The following OTOG variants were observed in gnomAD, a reference collection of about 807,000 sequenced individuals.
OTOG encodes otogelin.
A neutral mutation model predicts 313.8 loss-of-function variants in OTOG; 296 were observed. That is an observed-to-expected ratio of 0.94 (90% CI 0.86 to 1.04). The LOEUF (loss-of-function observed/expected upper bound fraction) is 1.04. Among genes scored for constraint, OTOG ranks in the 50% least tolerant of loss-of-function variants. The pLI is 0.00. For synonymous variants in OTOG, 1,533 were observed against 1,554.9 expected (o/e 0.99, Z 0.33); for missense variants, 3,948 against 3,840.1 (o/e 1.03, Z -0.74).
chr11:17,564,942 G>GT (rs1852267981), intron 15 of OTOG, among the ~76,000 whole-genome samples: 2 of 152,074 alleles, frequency 1.3e-5, no homozygotes, highest in African/African-American at 2.4e-5. Flanking sequence ...CCCTCAAAGT[G>GT]TTTTTTTAAA....
At chr11:17,603,558 C>T (rs558377050) in intron 32 of OTOG, among the ~76,000 whole-genome samples, 4 of 152,138 alleles carry the variant, frequency 2.6e-5, no homozygotes, top group Admixed American at 6.5e-5. Context: ...GGCTCCGTCT[C>T]AGAGTCAGGC....
At chr11:17,598,861 C>T (rs1378708877) in intron 30 of OTOG, among the ~76,000 whole-genome samples, 1 of 152,256 alleles carries the variant, frequency 6.6e-6, no homozygotes, top group East Asian at 1.9e-4. Context: ...GCGGGCCTGT[C>T]TCCTGACTCC....
chr11:17,562,774 A>G (rs1475238096), intron 15 of OTOG, among the ~76,000 whole-genome samples: 5 of 152,190 alleles, frequency 3.3e-5, no homozygotes, highest in Non-Finnish European at 7.3e-5. Context: ...TGCACCTTCA[A>G]CATTCGTCCC....
At chr11:17,577,259 A>G (rs1852550785) in intron 22 of OTOG, among the ~76,000 whole-genome samples, 1 of 152,198 alleles carries the variant, frequency 6.6e-6, no homozygotes, top group Admixed American at 6.5e-5. Context: ...TCATGTATCT[A>G]CTGAGGCGGA....
At chr11:17,581,277 G>A (rs1852659652) in intron 23 of OTOG, among the ~76,000 whole-genome samples, 1 of 152,152 alleles carries the variant, frequency 6.6e-6, no homozygotes, top group Non-Finnish European at 1.5e-5. Context: ...TCCTGCTGGG[G>A]TCACACCACT....
In OTOG at chr11:17,631,701, G is replaced by A; in HGVS notation, c.6713-1G>A. 1 of 1,549,314 alleles carries A rather than the reference G, an allele frequency of 6.5e-7. No individual in the cohort carries two copies. Among genetic ancestry groups the A allele is most frequent in the Non-Finnish European group, 8.7e-7 (1 of 1,145,930 alleles). ...TGTTGGGATTGTTTGGCCCCTTTCA[G>A]GTATCTGTGATGGAGATGCAGCCAA... On this transcript the variant is annotated splice_acceptor_variant, in intron 40 of 55. Coordinates refer to ENST00000399397, the MANE Select transcript of OTOG (RefSeq NM_001292063.2). LOFTEE classifies it high-confidence loss of function.
In OTOG at chr11:17,555,839, T is replaced by A; in HGVS notation, c.601T>A (p.Phe201Ile). 2 of 1,546,750 alleles carry A rather than the reference T, an allele frequency of 1.3e-6. No homozygotes were observed. The highest frequency in any genetic ancestry group is 2.4e-5 in the South Asian group (2 of 84,058). Residue 201 changes from phenylalanine to isoleucine, a missense_variant, in exon 7 of 56, where the codon TTC (phenylalanine) becomes ATC (isoleucine). Phe to Ile is a conservative substitution (Grantham distance 21). Coordinates refer to ENST00000399397, the MANE Select transcript of OTOG (RefSeq NM_001292063.2). ...CACCTGCTCCAGGGCTGTCAGCCTCTTCTTTGTGGGTGAGCAGGAGATCCA... is the reference window on the plus strand; with the variant it reads ...CACCTGCTCCAGGGCTGTCAGCCTCATCTTTGTGGGTGAGCAGGAGATCCA... ...PYTCSRAVSL[F>I]FVGEQEIHLA...
intron 39 of OTOG, among the ~76,000 whole-genome samples, chr11:17,620,812 T>C (rs1401954070): frequency 6.6e-6 from 1 of 152,216 alleles, no homozygotes; most frequent in Non-Finnish European, 1.5e-5. Flanking sequence ...GGGTCTTTTT[T>C]AATTCTGTGC....
intron 7 of OTOG, 28 bp downstream of exon 7, chr11:17,555,925 T>C (rs1239758745): frequency 6.6e-7 from 1 of 1,506,638 alleles, no homozygotes; most frequent in Non-Finnish European, 9.0e-7. Flanking sequence ...CACATCGAGC[T>C]GTCCTATCCC....
Position 17,641,022 on chromosome 11 carries a change from G to A in OTOG, c.8121G>A (p.Val2707=). 1 of 1,545,722 alleles carries A rather than the reference G, an allele frequency of 6.5e-7. No individual in the cohort carries two copies. The highest frequency in any genetic ancestry group is 1.7e-4 in the Middle Eastern group (1 of 5,986). Residue 2707 remains valine (V), a synonymous_variant, in exon 51 of 56, where the codon GTG becomes GTA. Coordinates refer to ENST00000399397, the MANE Select transcript of OTOG (RefSeq NM_001292063.2). ...GVCHTSRCTT[V]LDPLTNFYQI... The stretch of plus-strand genomic sequence containing the variant: ...GCCACACCTCCCGCTGCACCACCGT[G>A]CTCGACCCTCTCACCAACTTCTACC...
At chr11:17,554,002 G>A (rs937157779) in intron 6 of OTOG, among the ~76,000 whole-genome samples, 4 of 152,232 alleles carry the variant, frequency 2.6e-5, no homozygotes, top group Non-Finnish European at 2.9e-5. Flanking sequence ...CCTGGAGAAA[G>A]TCACATTTAA....
chr11:17,597,899 G>T (rs559436176), intron 30 of OTOG, among the ~76,000 whole-genome samples: 2 of 152,346 alleles, frequency 1.3e-5, no homozygotes, highest in South Asian at 4.1e-4. Context: ...CTCTTCGTCT[G>T]TAATAGAAGG....
intron 39 of OTOG, among the ~76,000 whole-genome samples, chr11:17,621,691 C>T (rs1013404770): frequency 6.6e-6 from 1 of 152,160 alleles, no homozygotes; most frequent in African/African-American, 2.4e-5. Flanking sequence ...AGGAAACCAC[C>T]AGGCTCTACC....
At chr11:17,609,061 A>G (rs146505785) in intron 34 of OTOG, 69 bp from the exon 35 acceptor site, 1 of 1,266,644 alleles carries the variant, frequency 7.9e-7, no homozygotes, top group African/African-American at 1.5e-5. Flanking sequence ...GCCTGTGCTC[A>G]ATCGAGAGAA....
chr11:17,554,118 G>C (rs963558266), intron 6 of OTOG, among the ~76,000 whole-genome samples: 1 of 152,176 alleles, frequency 6.6e-6, no homozygotes, highest in Non-Finnish European at 1.5e-5. Flanking sequence ...CTAAGAAAGA[G>C]ACTAGGGCCT....
rs1853575522 is a variant in OTOG, at chr11:17,612,246, G to C, written c.6208G>C (p.Gly2070Arg). The C allele has an allele frequency of 5.2e-6, 8 of 1,547,844 alleles. No individual in the cohort carries two copies. The South Asian group carries it at 9.5e-5, about 18-fold the overall frequency. ...GAATCAGTCCCAGCACTGTCCCCAG[G>C]GTGCTGCTCCCCCTCGCTGTGGGAT... ...RVNQSQHCPQ[G>R]AAPPRCGILG... The change falls in exon 37 of 56, where the codon GGT becomes CGT. Residue 2070 changes from glycine (G) to arginine (R), a missense_variant. Gly to Arg is a moderately radical substitution (Grantham distance 125). Coordinates refer to ENST00000399397, the MANE Select transcript of OTOG (RefSeq NM_001292063.2).
intron 25 of OTOG, among the ~76,000 whole-genome samples, chr11:17,591,813 C>T (rs569929668): frequency 1.3e-5 from 2 of 152,330 alleles, no homozygotes; most frequent in Admixed American, 6.5e-5. Flanking sequence ...TATAATCTTG[C>T]TCTGTTGGGT....
At chr11:17,633,149 C>G (rs1303591585) in intron 42 of OTOG, among the ~76,000 whole-genome samples, 1 of 152,170 alleles carries the variant, frequency 6.6e-6, no homozygotes, top group Non-Finnish European at 1.5e-5. Flanking sequence ...GGTGGGTTCC[C>G]CACAATGATA....
Position 17,594,286 on chromosome 11 carries a change from C to T in OTOG, c.3408+120C>T, listed in dbSNP as rs1187994945. Reference sequence around the variant, plus strand: ...TGTGAGGTTTCTCCTGCAATGTTCTCTCAGCCTCTGACTGCATCCCTAGCC... The same window carrying T: ...TGTGAGGTTTCTCCTGCAATGTTCTTTCAGCCTCTGACTGCATCCCTAGCC... On this transcript the variant is annotated intron_variant, in intron 28 of 55. Transcript: ENST00000399397. 1.0e-5 allele frequency: 13 copies of T among 1,293,254 alleles called. No individual in the cohort carries two copies. In the East Asian group the frequency reaches 2.5e-4, roughly 25 times the overall value. 80.1% of individuals were successfully genotyped at this position (1,293,254 alleles called of 1,614,324 possible).
Sources: gnomAD v4.1 joint callset for allele counts (sites outside exome capture counted in the v4.1 genomes callset) on GRCh38, gnomAD v4.1.1 for gene constraint, MANE v1.5 for transcripts, NCBI Gene and HGNC (gene_info 2026-07-23, HGNC 2026-07-21) for gene names.